Variants in CTNND2 observed in about 807,000 individuals in gnomAD.
CTNND2 encodes catenin delta-2.
CTNND2 carries 22 observed loss-of-function variants against 144.4 expected under a neutral mutation model. That is an observed-to-expected ratio of 0.15 (90% CI 0.11 to 0.22). The LOEUF is 0.22. CTNND2 is among the 10% of genes least tolerant of loss of function. The pLI is 1.00. For missense variants in CTNND2, 1,353 were observed against 1,618.8 expected (o/e 0.84, Z 2.82); for synonymous variants, 751 against 695.6 (o/e 1.08, Z -1.25).
chr5:10,974,446 T>C (rs1736200734), intron 21 of CTNND2, among the ~76,000 whole-genome samples: 1 of 152,252 alleles, frequency 6.6e-6, no homozygotes, highest in African/African-American at 2.4e-5. Flanking sequence ...ATTTATCCAT[T>C]CATCCATTGA....
chr5:11,091,579 A>G (rs770664099), intron 15 of CTNND2, among the ~76,000 whole-genome samples: 1 of 152,164 alleles, frequency 6.6e-6, no homozygotes, highest in Non-Finnish European at 1.5e-5. Context: ...TCCTACGGGT[A>G]TCTTAAAGCT....
intron 18 of CTNND2, among the ~76,000 whole-genome samples, chr5:11,010,942 C>T (rs1460905973): frequency 6.6e-6 from 1 of 152,232 alleles, no homozygotes; most frequent in African/African-American, 2.4e-5. Flanking sequence ...AGAGTGAATA[C>T]AGTGTCTCTA....
chr5:11,122,827 A>C (rs1166631317), intron 12 of CTNND2, among the ~76,000 whole-genome samples: 1 of 152,048 alleles, frequency 6.6e-6, no homozygotes, highest in Non-Finnish European at 1.5e-5. Context: ...ATGAAGTCAC[A>C]TACTTAGTAC....
At chr5:11,773,601 G>A (rs1248098383) in intron 1 of CTNND2, among the ~76,000 whole-genome samples, 1 of 152,190 alleles carries the variant, frequency 6.6e-6, no homozygotes, top group African/African-American at 2.4e-5. Flanking sequence ...CTTGAGGTCA[G>A]GAGTTAGAGG....
chr5:11,525,823 G>C (rs1168870224), intron 3 of CTNND2, among the ~76,000 whole-genome samples: 1 of 152,204 alleles, frequency 6.6e-6, no homozygotes, highest in African/African-American at 2.4e-5. Context: ...TGGCCACCTG[G>C]TACCCTGAGC....
intron 9 of CTNND2, among the ~76,000 whole-genome samples, chr5:11,286,392 C>G (rs1198126226): frequency 6.6e-6 from 1 of 152,130 alleles, no homozygotes; most frequent in Non-Finnish European, 1.5e-5. Flanking sequence ...ATTAAAAACT[C>G]AGAAAAGCTC....
intron 9 of CTNND2, among the ~76,000 whole-genome samples, chr5:11,251,548 T>C (rs1421080917): frequency 2.0e-5 from 3 of 152,194 alleles, no homozygotes; most frequent in Admixed American, 2.0e-4. Context: ...ATACCGTATT[T>C]ATCTTGAAAA....
chr5:11,548,626 A>G (rs1758166517), intron 3 of CTNND2, among the ~76,000 whole-genome samples: 1 of 152,152 alleles, frequency 6.6e-6, no homozygotes, highest in South Asian at 2.1e-4. Context: ...AACACCTCAG[A>G]GCTATATTTG....
intron 1 of CTNND2, among the ~76,000 whole-genome samples, chr5:11,804,807 A>G (rs1361043848): frequency 6.6e-6 from 1 of 152,214 alleles, no homozygotes; most frequent in Non-Finnish European, 1.5e-5. Flanking sequence ...GGAACTTTAC[A>G]ACACAAAGAA....
chr5:11,536,838 G>T (rs957584880), intron 3 of CTNND2, among the ~76,000 whole-genome samples: 6 of 152,046 alleles, frequency 3.9e-5, no homozygotes, highest in African/African-American at 1.4e-4. Flanking sequence ...ACTTATTTAT[G>T]TAACCAAACA....
chr5:11,252,317 G>A (rs1743747697), intron 9 of CTNND2, among the ~76,000 whole-genome samples: 1 of 152,156 alleles, frequency 6.6e-6, no homozygotes, highest in Non-Finnish European at 1.5e-5. Context: ...TCAGGTCAGT[G>A]TAACAAGCAG....
chr5:11,464,465 C>T (rs1422110681), intron 3 of CTNND2, among the ~76,000 whole-genome samples: 1 of 152,110 alleles, frequency 6.6e-6, no homozygotes, highest in Non-Finnish European at 1.5e-5. Context: ...GGGTGCCAGG[C>T]AGCAGGACTT....
chr5:11,228,658 G>C (rs1362278318), intron 10 of CTNND2, among the ~76,000 whole-genome samples: 1 of 151,822 alleles, frequency 6.6e-6, no homozygotes, highest in Non-Finnish European at 1.5e-5. Flanking sequence ...GCTAATTTTT[G>C]CATTTTTTGT....
intron 2 of CTNND2, among the ~76,000 whole-genome samples, chr5:11,708,211 T>A (rs1226345898): frequency 6.6e-6 from 1 of 151,420 alleles, no homozygotes. Flanking sequence ...CACACCTGGC[T>A]ATAAAGATGA....
At chr5:11,467,077 T>C (rs1411712873) in intron 3 of CTNND2, among the ~76,000 whole-genome samples, 2 of 152,228 alleles carry the variant, frequency 1.3e-5, no homozygotes, top group Middle Eastern at 3.2e-3. Flanking sequence ...ACTGAAGCCA[T>C]ACAAAAAGCT....
chr5:10,996,724 A>G (rs852609), intron 18 of CTNND2, among the ~76,000 whole-genome samples: 120,190 of 152,052 alleles, frequency 0.79, 47,736 homozygotes, highest in African/African-American at 0.86. Context: ...TCAGCCTCCC[A>G]AATATCTGGG....
chr5:11,104,263 C>T (rs2400009), intron 14 of CTNND2, among the ~76,000 whole-genome samples: 23,902 of 152,114 alleles, frequency 0.16, 2,573 homozygotes, highest in African/African-American at 0.31. Context: ...AGCAGATCTG[C>T]AGCATCAGGG....
At chr5:11,805,066 T>A (rs1244835779) in intron 1 of CTNND2, among the ~76,000 whole-genome samples, 1 of 152,172 alleles carries the variant, frequency 6.6e-6, no homozygotes, top group Non-Finnish European at 1.5e-5. Context: ...TTAACGACTG[T>A]GATCTTGCTA....
intron 1 of CTNND2, among the ~76,000 whole-genome samples, chr5:11,848,166 T>G (rs2126998177): frequency 6.6e-6 from 1 of 151,962 alleles, no homozygotes; most frequent in East Asian, 1.9e-4. Context: ...ATTAAAATAT[T>G]TACCAAATTA....
Sources: allele counts gnomAD v4.1 joint callset (sites outside exome capture counted in the v4.1 genomes callset), GRCh38; gene constraint gnomAD v4.1.1; transcripts MANE v1.5; gene names NCBI Gene and HGNC (gene_info 2026-07-23, HGNC 2026-07-21).